The following LIN7A variants were observed in gnomAD, a reference collection of about 807,000 sequenced individuals.
The protein encoded by LIN7A is protein lin-7 homolog A.
A neutral mutation model predicts 29.8 loss-of-function variants in LIN7A; 25 were observed. The ratio of observed to expected loss-of-function variants is 0.84; its 90% CI spans 0.61 to 1.17. The LOEUF (loss-of-function observed/expected upper bound fraction) is 1.17, where lower values mean the gene tolerates loss of function less well. Among genes scored for constraint, LIN7A ranks in the 50% most tolerant of loss-of-function variants. The pLI is 0.00. For synonymous variants in LIN7A, 118 were observed against 107.5 expected (o/e 1.10, Z -0.60); for missense variants, 239 against 287.0 (o/e 0.83, Z 1.21).
chr12:80,807,080 T>TTTTTTTGTTTTTTG lies in LIN7A; in HGVS notation c.*4384_*4385insCAAAAAACAAAAAA, dbSNP rs1565883878. 5.3e-3 allele frequency among the ~76,000 whole-genome samples: 720 copies of TTTTTTTGTTTTTTG among 134,730 alleles called. 34 individuals are homozygous for TTTTTTTGTTTTTTG. Among genetic ancestry groups the TTTTTTTGTTTTTTG allele is most frequent in the African/African-American group, 0.019 (677 of 35,366 alleles). The allele number at this position is 134,730 out of a possible 152,430, so 88.4% of individuals were successfully genotyped here. A position where few individuals can be genotyped will look rare whatever the true frequency, so the allele number is the denominator to read the frequency against. ...AAGATGGAGTTTTTTTTTTTTTTTT[T>TTTTTTTGTTTTTTG]TTTTTTTTTTTGACGGAGTCTCGCT... On this transcript the variant is annotated intron_variant, in intron 5 of 5. Coordinates refer to ENST00000552864, the MANE Select transcript of LIN7A (RefSeq NM_004664.4).
intron 2 of LIN7A, among the ~76,000 whole-genome samples, chr12:80,872,137 T>A (rs981796880): frequency 2.0e-5 from 3 of 152,110 alleles, no homozygotes; most frequent in African/African-American, 7.2e-5. Context: ...GGAACAATAA[T>A]CATTTCCATT....
intron 2 of LIN7A, among the ~76,000 whole-genome samples, chr12:80,857,288 T>G (rs1415313581): frequency 6.6e-6 from 1 of 152,184 alleles, no homozygotes; most frequent in Non-Finnish European, 1.5e-5. Flanking sequence ...ATCTATATTT[T>G]ATCAGAAAAA....
chr12:80,877,643 G>T, intron 2 of LIN7A, among the ~76,000 whole-genome samples: 1 of 152,082 alleles, frequency 6.6e-6, no homozygotes, highest in East Asian at 1.9e-4. Flanking sequence ...GAAAGGAAGA[G>T]AGTAAGCTAG....
intron 1 of LIN7A, among the ~76,000 whole-genome samples, chr12:80,901,599 T>A (rs906626003): frequency 6.6e-6 from 1 of 152,088 alleles, no homozygotes; most frequent in Non-Finnish European, 1.5e-5. Context: ...GTTCAGGGAA[T>A]TGGAAGAGAA....
chr12:80,912,961 A>G (rs567814042), intron 1 of LIN7A, among the ~76,000 whole-genome samples: 2 of 152,288 alleles, frequency 1.3e-5, no homozygotes, highest in Admixed American at 1.3e-4. Context: ...AAATGTTCAG[A>G]ATTTATTGTT....
intron 1 of LIN7A, among the ~76,000 whole-genome samples, chr12:80,916,869 G>A (rs965017191): frequency 1.3e-5 from 2 of 152,120 alleles, no homozygotes; most frequent in African/African-American, 4.8e-5. Flanking sequence ...AAGACTCTGA[G>A]GTACTTCTTA....
rs1301921534 is a variant in LIN7A, at chr12:80,889,742, A to C, written c.83-373T>G. ...CTTTCAGTTCAACTTTTCCTTTCCC[A>C]TTTCAGTTTGTCATAGCTACAACGT... On this transcript the variant is annotated intron_variant, in intron 1 of 5. Transcript: ENST00000552864. Among the ~76,000 whole-genome samples the C allele has an allele frequency of 2.6e-5, 4 of 151,928 alleles. No homozygotes were observed. The East Asian group carries it at 7.7e-4, about 29-fold the overall frequency.
chr12:80,895,488 C>G (rs534631241), intron 1 of LIN7A, among the ~76,000 whole-genome samples: 3 of 152,238 alleles, frequency 2.0e-5, no homozygotes, highest in South Asian at 2.1e-4. Flanking sequence ...AGTTACTGTT[C>G]ACTAATTCCA....
intron 1 of LIN7A, among the ~76,000 whole-genome samples, chr12:80,914,144 C>A (rs1876912056): frequency 6.6e-6 from 1 of 152,160 alleles, no homozygotes; most frequent in Non-Finnish European, 1.5e-5. Context: ...CATTACTCCT[C>A]CTCAAGTTAA....
At chr12:80,917,670 G>C (rs17007660) in intron 1 of LIN7A, among the ~76,000 whole-genome samples, 42,009 of 151,664 alleles carry the variant, frequency 0.28, 8,462 homozygotes, top group African/African-American at 0.56. Context: ...TATGCTCTTA[G>C]TTTATAGTTT....
chr12:80,926,550 A>T (rs991482896), intron 1 of LIN7A, among the ~76,000 whole-genome samples: 4 of 152,164 alleles, frequency 2.6e-5, no homozygotes, highest in Non-Finnish European at 4.4e-5. Flanking sequence ...AATTACTTTG[A>T]CAGTTTCTAT....
At chr12:80,912,743 A>G (rs1205633128) in intron 1 of LIN7A, among the ~76,000 whole-genome samples, 1 of 151,858 alleles carries the variant, frequency 6.6e-6, no homozygotes, top group Non-Finnish European at 1.5e-5. Context: ...AAGAAAAGAA[A>G]AAGAAAACAC....
Position 80,882,284 on chromosome 12 carries a change from ATTCT to A in LIN7A, c.201+6963_201+6966del, listed in dbSNP as rs1259982158. Among the ~76,000 whole-genome samples the A allele has an allele frequency of 1.1e-3, 80 of 72,060 alleles. 1 individual carries two copies. Among genetic ancestry groups the A allele is most frequent in the African/African-American group, 2.3e-3 (79 of 34,322 alleles). 47.3% of individuals were successfully genotyped at this position (72,060 alleles called of 152,430 possible). A position where few individuals can be genotyped will look rare whatever the true frequency, so the allele number is the denominator to read the frequency against. On this transcript the variant is annotated intron_variant, in intron 2 of 5. Transcript: ENST00000552864. ...ATAACAGTACTATCATTTTTCTTTC[ATTCT>A]TTTTTTTTTTTTTTGAGACGGAGTC...
chr12:80,928,571 C>A (rs1200120772), intron 1 of LIN7A, among the ~76,000 whole-genome samples: 1 of 151,812 alleles, frequency 6.6e-6, no homozygotes, highest in Non-Finnish European at 1.5e-5. Context: ...AAATTTGTTT[C>A]TTTGTAGATT....
chr12:80,861,932 A>G (rs1873903128), intron 2 of LIN7A, among the ~76,000 whole-genome samples: 1 of 152,222 alleles, frequency 6.6e-6, no homozygotes, highest in Non-Finnish European at 1.5e-5. Context: ...CACTTAAAAT[A>G]TTGTGAACAC....
rs571599435 is a variant in LIN7A at position 80,825,583 on chromosome 12, A to G, written c.484-13900T>C. ...CAGGGCTGAAGCTAGGGGGTTCTAT[A>G]AAAGATTTGCAACCTAGAAAAAGGC... On this transcript the variant is annotated intron_variant, in intron 4 of 5. Coordinates refer to ENST00000552864, the MANE Select transcript of LIN7A (RefSeq NM_004664.4). Among the ~76,000 whole-genome samples the G allele has an allele frequency of 2.0e-5, 3 of 152,326 alleles. No homozygotes were observed. The East Asian group carries it at 5.8e-4, about 29-fold the overall frequency.
At position 80,937,777 on chromosome 12, in the gene LIN7A, G is replaced by A. The variant is rs1291589603; in HGVS notation, c.-55C>T. 2.8e-6 allele frequency: 3 copies of A among 1,075,334 alleles called. No individual in the cohort carries two copies. The African/African-American group carries it at 4.9e-5, about 18-fold the overall frequency. The allele number at this position is 1,075,334 out of a possible 1,614,324, so 66.6% of individuals were successfully genotyped here. On this transcript the variant is annotated 5_prime_UTR_variant, in exon 1 of 6. Coordinates refer to ENST00000552864, the MANE Select transcript of LIN7A (RefSeq NM_004664.4). ...AGGAGATTGGGGGCGGGGGTGGAGAGGGAAGACGGAAAGGAGGGGGAGGAG... is the reference window on the plus strand; with the variant it reads ...AGGAGATTGGGGGCGGGGGTGGAGAAGGAAGACGGAAAGGAGGGGGAGGAG...
At chr12:80,881,785 TC>T (rs1875055019) in intron 2 of LIN7A, among the ~76,000 whole-genome samples, 1 of 152,164 alleles carries the variant, frequency 6.6e-6, no homozygotes. Context: ...ATAGGAAGTT[TC>T]CTGTATTACA....
At chr12:80,829,094 G>A (rs1246468094) in intron 4 of LIN7A, among the ~76,000 whole-genome samples, 1 of 152,074 alleles carries the variant, frequency 6.6e-6, no homozygotes, top group Admixed American at 6.6e-5. Context: ...ACCAAAGAAG[G>A]TGGGACAAAG....
Sources: allele counts gnomAD v4.1 joint callset (sites outside exome capture counted in the v4.1 genomes callset), GRCh38; gene constraint gnomAD v4.1.1; transcripts MANE v1.5; gene names NCBI Gene and HGNC (gene_info 2026-07-23, HGNC 2026-07-21).